NALCN: variants seen among roughly 807,000 people sequenced by gnomAD.
The protein encoded by NALCN is sodium leak channel, non-selective.
A neutral mutation model predicts 225.3 loss-of-function variants in NALCN; 111 were observed. The ratio of observed to expected loss-of-function variants is 0.49; its 90% CI spans 0.42 to 0.58. The LOEUF (loss-of-function observed/expected upper bound fraction) is 0.58. Among genes scored for constraint, NALCN ranks in the 20% least tolerant of loss-of-function variants. NALCN has a pLI of 0.00. For synonymous variants in NALCN, 764 were observed against 769.0 expected (o/e 0.99, Z 0.11); for missense variants, 1,378 against 2,202.4 (o/e 0.63, Z 7.49).
At chr13:101,129,764 C>A (rs1446934598) in intron 17 of NALCN, among the ~76,000 whole-genome samples, 1 of 148,456 alleles carries the variant, frequency 6.7e-6, no homozygotes, top group African/African-American at 2.5e-5. Context: ...GGTACATGAG[C>A]AGAACGTGCA....
intron 10 of NALCN, among the ~76,000 whole-genome samples, chr13:101,264,677 C>T (rs894887023): frequency 6.6e-6 from 1 of 152,086 alleles, no homozygotes; most frequent in Admixed American, 6.5e-5. Flanking sequence ...CACTGGGTGA[C>T]CTATAAGATT....
intron 12 of NALCN, among the ~76,000 whole-genome samples, chr13:101,230,210 C>G (rs2041291755): frequency 6.6e-6 from 1 of 152,168 alleles, no homozygotes; most frequent in Non-Finnish European, 1.5e-5. Context: ...AAAGCCAAAA[C>G]ACTTCTGTTC....
At chr13:101,222,271 A>G (rs1232818474) in intron 13 of NALCN, among the ~76,000 whole-genome samples, 1 of 152,120 alleles carries the variant, frequency 6.6e-6, no homozygotes, top group Non-Finnish European at 1.5e-5. Context: ...TTTTCTTCTC[A>G]CAGTCTACAA....
chr13:101,321,470 G>T (rs947521797), intron 7 of NALCN, among the ~76,000 whole-genome samples: 1 of 152,114 alleles, frequency 6.6e-6, no homozygotes, highest in Non-Finnish European at 1.5e-5. Context: ...GAGGAAAACA[G>T]ATACATTCTT....
intron 7 of NALCN, among the ~76,000 whole-genome samples, chr13:101,306,860 GC>G (rs1163878459): frequency 6.6e-6 from 1 of 152,128 alleles, no homozygotes; most frequent in African/African-American, 2.4e-5. Flanking sequence ...TCCCTATCAG[GC>G]TTTCTTTGTG....
At chr13:101,288,765 T>C (rs1481680872) in intron 9 of NALCN, among the ~76,000 whole-genome samples, 1 of 152,246 alleles carries the variant, frequency 6.6e-6, no homozygotes, top group African/African-American at 2.4e-5. Context: ...AAAAGTTAGA[T>C]ATGTATTGAC....
intron 15 of NALCN, among the ~76,000 whole-genome samples, chr13:101,168,162 A>C (rs2038544670): frequency 1.3e-5 from 2 of 152,076 alleles, no homozygotes; most frequent in Admixed American, 1.3e-4. Context: ...CTTCTCATAC[A>C]CATTTTGGCT....
chr13:101,227,357 C>T (rs1462584156), intron 13 of NALCN, among the ~76,000 whole-genome samples: 3 of 152,066 alleles, frequency 2.0e-5, no homozygotes, highest in African/African-American at 7.2e-5. Flanking sequence ...TCAAGCATAC[C>T]CCGAGAATGA....
At position 101,313,600 on chromosome 13, in the gene NALCN, C is replaced by A. The variant is rs1026844852; in HGVS notation, c.800-21234G>T. Among the ~76,000 whole-genome samples the A allele has an allele frequency of 3.9e-4, 60 of 152,130 alleles. No individual in the cohort carries two copies. The East Asian group carries it at 5.2e-3, about 13-fold the overall frequency. On this transcript the variant is annotated intron_variant, in intron 7 of 43. Transcript: ENST00000251127. ...CTCATCATCACTGGCCATCAGAGAA[C>A]TGCAAATCAAAACCACAATGAGATA... is the stretch of plus-strand genomic sequence containing the variant.
rs1343052650 is a variant in NALCN at position 101,104,307 on chromosome 13, T to C, written c.2877A>G (p.Ile959Met). 1.2e-6 allele frequency: 2 copies of C among 1,603,692 alleles called. No individual in the cohort carries two copies. The highest frequency in any genetic ancestry group is 1.1e-5 in the South Asian group (1 of 88,730). ...VIRDFGGVMD[I>M]FIYLVSLIFL... ...AGCAAAGACTTACAAGATATATAAATATGTCCATTACTCCACCGAAGTCCC... is the reference window on the plus strand; with the variant it reads ...AGCAAAGACTTACAAGATATATAAACATGTCCATTACTCCACCGAAGTCCC... The change falls in exon 25 of 44, where the codon ATA (isoleucine) becomes ATG (methionine). Residue 959 changes from isoleucine to methionine, a missense_variant. Ile to Met is a conservative substitution (Grantham distance 10). Coordinates refer to ENST00000251127, the MANE Select transcript of NALCN (RefSeq NM_052867.4). This position sits in a 1 kb window ranked among gnomAD's most constrained non-coding sequence, Gnocchi z 4.2.
At chr13:101,135,173 T>C (rs1414047400) in intron 17 of NALCN, among the ~76,000 whole-genome samples, 6 of 152,074 alleles carry the variant, frequency 3.9e-5, no homozygotes, top group Admixed American at 2.0e-4. Context: ...CCAGGCTGGG[T>C]GACAGAGCGA....
At chr13:101,289,792 C>T (rs1174874171) in intron 9 of NALCN, among the ~76,000 whole-genome samples, 1 of 152,084 alleles carries the variant, frequency 6.6e-6, no homozygotes, top group Non-Finnish European at 1.5e-5. Context: ...GTGTTTTAAA[C>T]CACTGAATGA....
At chr13:101,363,047 T>C (rs879376501) in intron 6 of NALCN, among the ~76,000 whole-genome samples, 3 of 152,078 alleles carry the variant, frequency 2.0e-5, no homozygotes, top group Admixed American at 1.3e-4. Context: ...GTGAAAGATC[T>C]CTACAATGAA....
intron 13 of NALCN, among the ~76,000 whole-genome samples, chr13:101,227,039 C>T (rs995868653): frequency 1.4e-4 from 21 of 152,176 alleles, no homozygotes; most frequent in Non-Finnish European, 2.2e-4. Flanking sequence ...CCAACACCTC[C>T]GGACGCTGGA....
intron 7 of NALCN, among the ~76,000 whole-genome samples, chr13:101,332,449 G>A (rs2045218079): frequency 1.4e-5 from 2 of 146,062 alleles, no homozygotes; most frequent in African/African-American, 5.1e-5. Context: ...ACTCACGGTA[G>A]GCTTGTTATT....
At chr13:101,097,332 G>T (rs1266897334) in intron 27 of NALCN, among the ~76,000 whole-genome samples, 1 of 151,976 alleles carries the variant, frequency 6.6e-6, no homozygotes, top group Non-Finnish European at 1.5e-5. Flanking sequence ...ACTTTTTTCA[G>T]CTAAAACTAC....
At chr13:101,090,112 G>GCA in intron 28 of NALCN, 146 bp from the exon 29 acceptor site, 1 of 1,161,606 alleles carries the variant, frequency 8.6e-7, no homozygotes, top group East Asian at 2.4e-5. Flanking sequence ...ACGTGTGCGT[G>GCA]CACACACACA....
chr13:101,295,188 C>T (rs1411714918), intron 7 of NALCN, among the ~76,000 whole-genome samples: 1 of 152,176 alleles, frequency 6.6e-6, no homozygotes, highest in African/African-American at 2.4e-5. Context: ...CAACAGCAAA[C>T]AGAAGCAACT....
intron 6 of NALCN, among the ~76,000 whole-genome samples, chr13:101,354,529 G>A (rs574845522): frequency 2.6e-5 from 4 of 152,126 alleles, no homozygotes; most frequent in Non-Finnish European, 5.9e-5. Flanking sequence ...ACTACAGGGT[G>A]AGAATCTATA....
Sources: allele counts gnomAD v4.1 joint callset (sites outside exome capture counted in the v4.1 genomes callset), GRCh38; gene constraint gnomAD v4.1.1; non-coding constraint Gnocchi (gnomAD v3.1); transcripts MANE v1.5; gene names NCBI Gene and HGNC (gene_info 2026-07-23, HGNC 2026-07-21).